COL22A1: variants seen among roughly 807,000 people sequenced by gnomAD.
COL22A1 encodes the protein collagen alpha-1(XXII) chain.
A neutral mutation model predicts 248.9 loss-of-function variants in COL22A1; 221 were observed. The observed-to-expected ratio is 0.89, with a 90% CI of 0.80 to 0.99. COL22A1 has a LOEUF of 0.99. Ranked by LOEUF, COL22A1 falls within the 50% of genes least tolerant of loss-of-function variation. The probability of loss-of-function intolerance (pLI) is 0.00; values close to 1 mark genes in which losing one functional copy is unlikely to be tolerated. For synonymous variants in COL22A1, 891 were observed against 793.4 expected (o/e 1.12, Z -2.07); for missense variants, 2,240 against 2,179.0 (o/e 1.03, Z -0.56).
intron 62 of COL22A1, among the ~76,000 whole-genome samples, chr8:138,595,138 G>C (rs1207648872): frequency 6.6e-6 from 1 of 152,132 alleles, no homozygotes; most frequent in African/African-American, 2.4e-5. Flanking sequence ...CGTTTGATAG[G>C]GGAAACCAGG....
intron 53 of COL22A1, 139 bp from the exon 54 acceptor site, chr8:138,617,097 G>T: frequency 2.3e-6 from 2 of 854,112 alleles, no homozygotes; most frequent in African/African-American, 1.7e-5. Context: ...AGCCCTACTT[G>T]GTGCCATGCT....
intron 16 of COL22A1, among the ~76,000 whole-genome samples, chr8:138,769,721 C>T (rs1198176428): frequency 1.3e-5 from 2 of 152,190 alleles, no homozygotes; most frequent in Non-Finnish European, 2.9e-5. Flanking sequence ...CAGCACACAG[C>T]GGGTACCCAG....
chr8:138,677,219 T>TG (rs1388650216), intron 40 of COL22A1, among the ~76,000 whole-genome samples: 2 of 152,228 alleles, frequency 1.3e-5, no homozygotes, highest in African/African-American at 4.8e-5. Flanking sequence ...ACCTATTAAC[T>TG]GTTAACTTAG....
chr8:138,627,680 C>T (rs1019004314), intron 50 of COL22A1, among the ~76,000 whole-genome samples: 1 of 152,186 alleles, frequency 6.6e-6, no homozygotes, highest in African/African-American at 2.4e-5. Flanking sequence ...AACCAGCCTC[C>T]CCATCCTCTC....
At chr8:138,725,351 C>T (rs765719352) in intron 24 of COL22A1, 36 bp downstream of exon 24, 7 of 1,609,826 alleles carry the variant, frequency 4.3e-6, no homozygotes, top group Non-Finnish European at 6.0e-6. Context: ...AAACCACCAT[C>T]TAAGAGCCCC....
intron 51 of COL22A1, 46 bp from the exon 52 acceptor site, chr8:138,623,831 G>A: frequency 6.4e-7 from 1 of 1,561,890 alleles, no homozygotes; most frequent in Non-Finnish European, 8.7e-7. Flanking sequence ...GAAGATTCGA[G>A]GGGATGGAAA....
At chr8:138,628,166 A>G (rs899624936) in intron 50 of COL22A1, among the ~76,000 whole-genome samples, 1 of 150,914 alleles carries the variant, frequency 6.6e-6, no homozygotes, top group Non-Finnish European at 1.5e-5. Context: ...ACCAAAAATC[A>G]AAGTAAAGGG....
chr8:138,775,862 A>G (rs1485438078), intron 16 of COL22A1, 104 bp downstream of exon 16: 1 of 1,086,618 alleles, frequency 9.2e-7, no homozygotes, highest in African/African-American at 1.5e-5. Flanking sequence ...GCACACACAA[A>G]TGTGTACACA....
intron 12 of COL22A1, among the ~76,000 whole-genome samples, chr8:138,785,568 C>A (rs1456466008): frequency 6.6e-6 from 1 of 152,176 alleles, no homozygotes; most frequent in Non-Finnish European, 1.5e-5. Flanking sequence ...CCTCGAATGA[C>A]CAGTCTGTCT....
Position 138,613,928 on chromosome 8 carries a change from A to C in COL22A1, c.3925-8T>G. On this transcript the variant is annotated splice_polypyrimidine_tract_variant and splice_region_variant and intron_variant, in intron 55 of 64. Transcript: ENST00000303045. ...AGTGGGTCCAGTGTCACCCTGGAAC[A>C]AAGACAGAGAGATGGTGTCATCATC... is the stretch of plus-strand genomic sequence containing the variant. 1 of 1,605,962 alleles carries C rather than the reference A, an allele frequency of 6.2e-7. No homozygotes were observed. Among genetic ancestry groups the C allele is most frequent in the Non-Finnish European group, 8.5e-7 (1 of 1,172,532 alleles).
At chr8:138,694,985 T>C (rs1405266013) in intron 32 of COL22A1, 106 bp from the exon 33 acceptor site, 11 of 1,013,912 alleles carry the variant, frequency 1.1e-5, no homozygotes, top group African/African-American at 1.6e-5. Context: ...CAGTCCTGTG[T>C]ATCACCTGAT....
intron 30 of COL22A1, among the ~76,000 whole-genome samples, chr8:138,711,073 G>C (rs1349131728): frequency 6.6e-6 from 1 of 152,164 alleles, no homozygotes; most frequent in Admixed American, 6.5e-5. Context: ...AGCTGGAGCA[G>C]GTAGACCCAT....
intron 22 of COL22A1, among the ~76,000 whole-genome samples, chr8:138,743,576 G>T (rs1831873356): frequency 6.6e-6 from 1 of 152,108 alleles, no homozygotes; most frequent in Non-Finnish European, 1.5e-5. Context: ...TGTAGCAGCG[G>T]CTATGTAATC....
chr8:138,689,615 T>C (rs182472793), intron 36 of COL22A1, among the ~76,000 whole-genome samples: 1 of 152,216 alleles, frequency 6.6e-6, no homozygotes. Flanking sequence ...CTTGGGAAGC[T>C]GAGGCAAGAG....
intron 16 of COL22A1, 67 bp downstream of exon 16, chr8:138,775,899 G>T: frequency 7.0e-7 from 1 of 1,436,906 alleles, no homozygotes; most frequent in Non-Finnish European, 9.8e-7. Flanking sequence ...CAGAGCAGAT[G>T]GTTCCATGCA....
At chr8:138,772,857 G>C (rs369037607) in intron 16 of COL22A1, among the ~76,000 whole-genome samples, 17 of 152,134 alleles carry the variant, frequency 1.1e-4, no homozygotes, top group Admixed American at 1.0e-3. Flanking sequence ...GTGAGACTCC[G>C]TCTCAGAAAA....
intron 1 of COL22A1, among the ~76,000 whole-genome samples, chr8:138,910,817 G>C (rs1815399674): frequency 6.6e-6 from 1 of 152,154 alleles, no homozygotes; most frequent in African/African-American, 2.4e-5. Context: ...CTATCCCCAG[G>C]TAAATCATTC....
chr8:138,870,108 G>C (rs903386706), intron 3 of COL22A1, among the ~76,000 whole-genome samples: 2 of 151,676 alleles, frequency 1.3e-5, no homozygotes, highest in African/African-American at 2.4e-5. Context: ...GGTGTGTGTG[G>C]AGCATGTGTC....
At chr8:138,876,762 C>T (rs12677866) in intron 3 of COL22A1, among the ~76,000 whole-genome samples, 85,909 of 151,988 alleles carry the variant, frequency 0.57, 26,013 homozygotes, top group East Asian at 0.86. Context: ...GCTTTCCCTG[C>T]CCCTGGCCAA....
Sources: gnomAD v4.1 joint callset for allele counts (sites outside exome capture counted in the v4.1 genomes callset) on GRCh38, gnomAD v4.1.1 for gene constraint, MANE v1.5 for transcripts, NCBI Gene and HGNC (gene_info 2026-07-23, HGNC 2026-07-21) for gene names.